CAMTA1: variants seen among roughly 807,000 people sequenced by gnomAD.
The protein encoded by CAMTA1 is calmodulin binding transcription activator 1.
Under a neutral mutation model 170.9 loss-of-function variants are expected in CAMTA1, and 27 were observed. The observed-to-expected ratio is 0.16, with a 90% CI of 0.12 to 0.22. The LOEUF (loss-of-function observed/expected upper bound fraction) is 0.22. Among genes scored for constraint, CAMTA1 ranks in the 10% least tolerant of loss-of-function variants. The probability of loss-of-function intolerance (pLI) is 1.00; values close to 1 mark genes in which losing one functional copy is unlikely to be tolerated. For missense variants in CAMTA1, 1,619 were observed against 2,217.2 expected (o/e 0.73, Z 5.42); for synonymous variants, 833 against 891.5 (o/e 0.93, Z 1.17).
chr1:6,904,652 C>A (rs1384285984), intron 3 of CAMTA1, among the ~76,000 whole-genome samples: 1 of 149,530 alleles, frequency 6.7e-6, no homozygotes, highest in Non-Finnish European at 1.5e-5. Flanking sequence ...GCAGCAGCCT[C>A]AAACTTCCAG....
At chr1:7,616,897 G>C (rs538087409) in intron 6 of CAMTA1, among the ~76,000 whole-genome samples, 1 of 152,308 alleles carries the variant, frequency 6.6e-6, no homozygotes, top group South Asian at 2.1e-4. Flanking sequence ...GCTCATTTTT[G>C]TGCAAATATT....
chr1:7,383,837 G>A (rs1368089653), intron 5 of CAMTA1, among the ~76,000 whole-genome samples: 1 of 152,126 alleles, frequency 6.6e-6, no homozygotes, highest in Non-Finnish European at 1.5e-5. Context: ...AGGGTGATGA[G>A]GATGATGATC....
chr1:7,407,732 T>C (rs1049913026), intron 5 of CAMTA1, among the ~76,000 whole-genome samples: 5 of 152,104 alleles, frequency 3.3e-5, no homozygotes, highest in African/African-American at 1.2e-4. Flanking sequence ...GCCAGGCATG[T>C]TCACGAGGTG....
At chr1:7,589,867 A>T (rs2095342097) in intron 6 of CAMTA1, among the ~76,000 whole-genome samples, 1 of 152,198 alleles carries the variant, frequency 6.6e-6, no homozygotes, top group South Asian at 2.1e-4. Flanking sequence ...AACTGTTGTG[A>T]TAGCCTCAAA....
chr1:6,823,235 T>G (rs987988809), intron 2 of CAMTA1, among the ~76,000 whole-genome samples: 1 of 152,136 alleles, frequency 6.6e-6, no homozygotes, highest in Non-Finnish European at 1.5e-5. Context: ...TTCTCTGCTT[T>G]AAAGTTTTAT....
At chr1:7,424,252 C>G (rs1295950307) in intron 5 of CAMTA1, among the ~76,000 whole-genome samples, 2 of 152,140 alleles carry the variant, frequency 1.3e-5, no homozygotes, top group Non-Finnish European at 1.5e-5. Context: ...AGTCATTTAT[C>G]ACATAAACAT....
chr1:6,967,544 G>C (rs543299208), intron 3 of CAMTA1, among the ~76,000 whole-genome samples: 109 of 152,274 alleles, frequency 7.2e-4, no homozygotes, highest in African/African-American at 2.5e-3. Flanking sequence ...TCAGCCACTA[G>C]GTTTGAGGAT....
chr1:7,412,578 T>C (rs1249842439), intron 5 of CAMTA1, among the ~76,000 whole-genome samples: 1 of 151,694 alleles, frequency 6.6e-6, no homozygotes, highest in Non-Finnish European at 1.5e-5. Context: ...TGTCTGTTCA[T>C]ATCCTTCGCC....
At chr1:6,988,331 G>A (rs1032379438) in intron 3 of CAMTA1, among the ~76,000 whole-genome samples, 1 of 152,142 alleles carries the variant, frequency 6.6e-6, no homozygotes, top group Non-Finnish European at 1.5e-5. Context: ...TAGGGAGTGC[G>A]GGAGGCAGAC....
At chr1:7,696,731 G>T (rs2096381121) in intron 11 of CAMTA1, among the ~76,000 whole-genome samples, 1 of 152,100 alleles carries the variant, frequency 6.6e-6, no homozygotes. Context: ...CAGACCTGAA[G>T]ACTGGGGTCT....
chr1:6,973,987 C>G (rs982333547), intron 3 of CAMTA1, among the ~76,000 whole-genome samples: 30 of 152,346 alleles, frequency 2.0e-4, no homozygotes, highest in African/African-American at 7.0e-4. Flanking sequence ...GAAATGTGAT[C>G]CTCAAATCCA....
chr1:7,258,409 C>T lies in CAMTA1; in HGVS notation c.438+8783C>T, dbSNP rs191002059. 5.3e-5 allele frequency among the ~76,000 whole-genome samples: 8 copies of T among 152,268 alleles called. 1 individual carries two copies. In the East Asian group the frequency reaches 1.2e-3, roughly 22 times the overall value. On this transcript the variant is annotated intron_variant, in intron 5 of 22. Transcript: ENST00000303635. ...ATAATAGTCCCTCAACATCACTGCA[C>T]GTTAGCCCATAAGGACAGGAATGGA...
chr1:7,311,179 T>C (rs1676676822), intron 5 of CAMTA1, among the ~76,000 whole-genome samples: 1 of 152,258 alleles, frequency 6.6e-6, no homozygotes, highest in South Asian at 2.1e-4. Flanking sequence ...TTTTTGATGA[T>C]TATTTACTCA....
intron 15 of CAMTA1, 114 bp downstream of exon 15, chr1:7,737,684 AAT>A: frequency 2.8e-6 from 3 of 1,089,926 alleles, no homozygotes; most frequent in Non-Finnish European, 3.9e-6. Context: ...TTTTTTTGTT[AAT>A]GTTTCTGATT....
chr1:7,238,067 A>G (rs1664213370), intron 4 of CAMTA1, among the ~76,000 whole-genome samples: 1 of 152,254 alleles, frequency 6.6e-6, no homozygotes, highest in South Asian at 2.1e-4. Context: ...CTATTATGGA[A>G]AAATTTCAAA....
chr1:7,579,552 C>CTTTCTTTCTTTTTTTTTTTT (rs1436192966), intron 6 of CAMTA1, among the ~76,000 whole-genome samples: 30 of 79,198 alleles, frequency 3.8e-4, no homozygotes, highest in African/African-American at 1.7e-3. Flanking sequence ...CTTTTCTTTT[C>CTTTCTTTCTTTTTTTTTTTT]TTTTTTTTTT....
At chr1:7,245,219 C>T (rs1665571354) in intron 4 of CAMTA1, among the ~76,000 whole-genome samples, 1 of 148,188 alleles carries the variant, frequency 6.7e-6, no homozygotes, top group Non-Finnish European at 1.5e-5. Context: ...ATATATATCA[C>T]ACACACACAC....
At chr1:7,527,010 C>A (rs1026941859) in intron 6 of CAMTA1, among the ~76,000 whole-genome samples, 1 of 152,122 alleles carries the variant, frequency 6.6e-6, no homozygotes, top group Non-Finnish European at 1.5e-5. Context: ...TCTCCACCCC[C>A]ACGGCTATCA....
chr1:7,497,446 G>A (rs2093847631), intron 6 of CAMTA1, among the ~76,000 whole-genome samples: 1 of 152,218 alleles, frequency 6.6e-6, no homozygotes, highest in African/African-American at 2.4e-5. Context: ...CCTTGGACAA[G>A]GCACGGCCCA....
Sources: gnomAD v4.1 joint callset for allele counts (sites outside exome capture counted in the v4.1 genomes callset) on GRCh38, gnomAD v4.1.1 for gene constraint, MANE v1.5 for transcripts, NCBI Gene and HGNC (gene_info 2026-07-23, HGNC 2026-07-21) for gene names.